RPS6KA5: variants seen among roughly 807,000 people sequenced by gnomAD.
RPS6KA5 encodes the protein ribosomal protein S6 kinase A5.
RPS6KA5 carries 27 observed loss-of-function variants against 85.5 expected under a neutral mutation model. The ratio of observed to expected loss-of-function variants is 0.32; its 90% CI spans 0.23 to 0.44. The LOEUF is 0.44. Ranked by LOEUF, RPS6KA5 falls within the 20% of genes least tolerant of loss-of-function variation. RPS6KA5 has a pLI of 1.00. For missense variants in RPS6KA5, 811 were observed against 980.9 expected, an observed-to-expected ratio of 0.83 and a Z score of 2.31; for synonymous variants, 334 against 348.2, an observed-to-expected ratio of 0.96 and a Z score of 0.46.
At chr14:91,055,417 G>A (rs1319017744) in intron 1 of RPS6KA5, among the ~76,000 whole-genome samples, 1 of 152,126 alleles carries the variant, frequency 6.6e-6, no homozygotes, top group East Asian at 1.9e-4. Flanking sequence ...ACAAAACTTG[G>A]TATATCTATA....
chr14:90,933,157 A>T (rs1286121), intron 5 of RPS6KA5, among the ~76,000 whole-genome samples: 150,103 of 152,344 alleles, frequency 0.99, 73,962 homozygotes, highest in East Asian at 1. Flanking sequence ...ATCATTTTCA[A>T]CCTTGAAACA....
At chr14:90,933,167 A>AT (rs1261059077) in intron 5 of RPS6KA5, among the ~76,000 whole-genome samples, 5 of 152,114 alleles carry the variant, frequency 3.3e-5, no homozygotes, top group Admixed American at 2.6e-4. Flanking sequence ...ACCTTGAAAC[A>AT]TTTTTTCACT....
At chr14:91,059,975 GCGCAC>G in intron 1 of RPS6KA5, 1 of 940,214 alleles carries the variant, frequency 1.1e-6, no homozygotes, top group Non-Finnish European at 1.3e-6. Context: ...GCGGAGGCAG[GCGCAC>G]CTTTCGCCCT....
intron 1 of RPS6KA5, among the ~76,000 whole-genome samples, chr14:91,022,200 T>G (rs187136151): frequency 6.6e-6 from 1 of 152,330 alleles, no homozygotes. Flanking sequence ...ACTATTTGAA[T>G]GTGAAACTGA....
At chr14:90,940,959 T>C (rs1322938808) in intron 5 of RPS6KA5, among the ~76,000 whole-genome samples, 2 of 152,118 alleles carry the variant, frequency 1.3e-5, no homozygotes, top group Admixed American at 6.5e-5. Context: ...GGGAAAAATG[T>C]CTCTCAGGAA....
chr14:90,884,440 C>A (rs2034058352), intron 14 of RPS6KA5, among the ~76,000 whole-genome samples: 1 of 152,252 alleles, frequency 6.6e-6, no homozygotes, highest in Non-Finnish European at 1.5e-5. Flanking sequence ...TGCAAATATG[C>A]CGAAATCCAA....
At chr14:90,978,259 C>T in intron 3 of RPS6KA5, 47 bp downstream of exon 3, 1 of 1,419,576 alleles carries the variant, frequency 7.0e-7, no homozygotes, top group Non-Finnish European at 9.7e-7. Context: ...ACTTAAGACC[C>T]AAAGAAAAGT....
chr14:90,986,687 C>G (rs997016974), intron 2 of RPS6KA5, among the ~76,000 whole-genome samples: 2 of 152,136 alleles, frequency 1.3e-5, no homozygotes, highest in African/African-American at 4.8e-5. Flanking sequence ...GGAGAAAGGC[C>G]TCAGGTAGAC....
Position 90,863,000 on chromosome 14 carries a change from A to T in RPS6KA5, c.*9074T>A, listed in dbSNP as rs2032633337. 6.6e-6 allele frequency: 1 copy of T among 152,184 alleles called. No homozygotes were observed. Among genetic ancestry groups the T allele is most frequent in the African/African-American group, 2.4e-5 (1 of 41,460 alleles). The allele number at this position is 152,184 out of a possible 1,614,324, so 9.4% of individuals were successfully genotyped here. A position where few individuals can be genotyped will look rare whatever the true frequency, so the allele number is the denominator to read the frequency against. ...AATCTGCTATATGATATCTATAAAA[A>T]AATTAAATAAAACATAATATTGGGC... On this transcript the variant is annotated 3_prime_UTR_variant, in exon 17 of 17. Transcript: ENST00000614987.
At chr14:90,898,153 G>A (rs1034350544) in intron 12 of RPS6KA5, among the ~76,000 whole-genome samples, 2 of 152,162 alleles carry the variant, frequency 1.3e-5, no homozygotes, top group African/African-American at 4.8e-5. Flanking sequence ...TCTGAAGTTG[G>A]ACTGTGTGGA....
intron 3 of RPS6KA5, among the ~76,000 whole-genome samples, chr14:90,961,248 C>T (rs1394827563): frequency 3.3e-5 from 5 of 151,950 alleles, no homozygotes; most frequent in Non-Finnish European, 5.9e-5. Flanking sequence ...TCACATAATC[C>T]CCAGAGAAAA....
At chr14:90,953,268 A>G (rs1004250756) in intron 3 of RPS6KA5, among the ~76,000 whole-genome samples, 1 of 152,200 alleles carries the variant, frequency 6.6e-6, no homozygotes, top group African/African-American at 2.4e-5. Flanking sequence ...TAAATTGTGA[A>G]GATTTCATGG....
At chr14:90,914,505 G>C (rs1391470053) in intron 7 of RPS6KA5, among the ~76,000 whole-genome samples, 1 of 151,808 alleles carries the variant, frequency 6.6e-6, no homozygotes, top group East Asian at 1.9e-4. Flanking sequence ...AGTAGAGATG[G>C]GGTTTTGCCA....
chr14:91,056,926 C>T (rs574108537), intron 1 of RPS6KA5, among the ~76,000 whole-genome samples: 1 of 109,842 alleles, frequency 9.1e-6, no homozygotes, highest in African/African-American at 3.5e-5. Flanking sequence ...TGTTGTCAGG[C>T]TGGCGTGCAA....
chr14:91,052,956 T>C (rs757355620), intron 1 of RPS6KA5, among the ~76,000 whole-genome samples: 5 of 151,410 alleles, frequency 3.3e-5, no homozygotes, highest in South Asian at 4.2e-4. Flanking sequence ...TGGATATAGA[T>C]ACAAATCCTT....
At chr14:91,023,678 A>C (rs2041878762) in intron 1 of RPS6KA5, among the ~76,000 whole-genome samples, 1 of 150,338 alleles carries the variant, frequency 6.7e-6, no homozygotes, top group Non-Finnish European at 1.5e-5. Flanking sequence ...TTAAAAAAAA[A>C]CCACCAACAC....
chr14:90,932,209 T>G (rs2037021037), intron 5 of RPS6KA5, among the ~76,000 whole-genome samples: 2 of 152,102 alleles, frequency 1.3e-5, no homozygotes, highest in African/African-American at 4.8e-5. Context: ...CTGCATCCTC[T>G]GCCTCCCGGA....
At chr14:91,009,777 C>T (rs1314059662) in intron 1 of RPS6KA5, among the ~76,000 whole-genome samples, 1 of 152,058 alleles carries the variant, frequency 6.6e-6, no homozygotes, top group Non-Finnish European at 1.5e-5. Context: ...ACATCATGCA[C>T]AGAGTTACTA....
chr14:90,908,331 G>A (rs925599118), intron 7 of RPS6KA5, among the ~76,000 whole-genome samples: 5 of 152,192 alleles, frequency 3.3e-5, no homozygotes, highest in South Asian at 2.1e-4. Flanking sequence ...AAAGCATGTC[G>A]GCGGAAAACA....
Sources: allele counts gnomAD v4.1 joint callset (sites outside exome capture counted in the v4.1 genomes callset), GRCh38; gene constraint gnomAD v4.1.1; transcripts MANE v1.5; gene names NCBI Gene and HGNC (gene_info 2026-07-23, HGNC 2026-07-21).